The following AGMO variants were observed in gnomAD, a reference collection of about 807,000 sequenced individuals.
AGMO encodes the protein alkylglycerol monooxygenase.
In AGMO, 75 loss-of-function variants were observed where a neutral mutation model predicts 60.2. That is an observed-to-expected ratio of 1.25 (90% CI 1.03 to 1.51). The LOEUF (loss-of-function observed/expected upper bound fraction) is 1.51. AGMO is among the 40% of genes most tolerant of loss of function. The probability of loss-of-function intolerance (pLI) is 0.00; values close to 1 mark genes in which losing one functional copy is unlikely to be tolerated. For missense variants in AGMO, 763 were observed against 525.5 expected, an observed-to-expected ratio of 1.45 and a Z score of -4.42; for synonymous variants, 261 against 177.1, an observed-to-expected ratio of 1.47 and a Z score of -3.76.
intron 12 of AGMO, among the ~76,000 whole-genome samples, chr7:15,234,952 C>T (rs1782373264): frequency 6.6e-6 from 1 of 151,970 alleles, no homozygotes; most frequent in Non-Finnish European, 1.5e-5. Context: ...CTACTTTTTC[C>T]GTTTTAGCTT....
At position 15,201,226 on chromosome 7, in the gene AGMO, C is replaced by T. The variant is rs1476575672; in HGVS notation, c.*59G>A. ...CATAAAATAATTACATTTTAATATGCAGTCATAATATGCGTGTGGACAACT... is the reference window on the plus strand; with the variant it reads ...CATAAAATAATTACATTTTAATATGTAGTCATAATATGCGTGTGGACAACT... On this transcript the variant is annotated 3_prime_UTR_variant, in exon 13 of 13. Coordinates refer to ENST00000342526, the MANE Select transcript of AGMO (RefSeq NM_001004320.2). The T allele has an allele frequency of 6.8e-6, 7 of 1,030,534 alleles. No homozygotes were observed. Among genetic ancestry groups the T allele is most frequent in the African/African-American group, 1.6e-5 (1 of 61,324 alleles). 63.8% of individuals were successfully genotyped at this position (1,030,534 alleles called of 1,614,324 possible).
intron 3 of AGMO, among the ~76,000 whole-genome samples, chr7:15,483,563 C>T (rs1457988207): frequency 1.3e-5 from 2 of 150,402 alleles, no homozygotes; most frequent in African/African-American, 5.0e-5. Context: ...GAGCAAGACT[C>T]TGTCTCAAAA....
At chr7:15,191,030 G>A in the AGMO span, among the ~76,000 whole-genome samples, 1 of 152,042 alleles carries the variant, frequency 6.6e-6, no homozygotes, top group Admixed American at 6.6e-5. Context: ...TCATCTTCAA[G>A]AAACTCAATT....
intron 3 of AGMO, among the ~76,000 whole-genome samples, chr7:15,490,095 A>G (rs1028978682): frequency 1.3e-5 from 2 of 152,218 alleles, no homozygotes; most frequent in Non-Finnish European, 2.9e-5. Context: ...TTACTTTTAG[A>G]AGTCTTAAAC....
chr7:15,249,356 T>G (rs531455105), intron 12 of AGMO, among the ~76,000 whole-genome samples: 140 of 152,174 alleles, frequency 9.2e-4, no homozygotes, highest in African/African-American at 3.2e-3. Context: ...GAAGAGTAAC[T>G]ATGGAAACAT....
At chr7:15,194,767 T>C in the AGMO span, among the ~76,000 whole-genome samples, 1 of 152,196 alleles carries the variant, frequency 6.6e-6, no homozygotes, top group African/African-American at 2.4e-5. Flanking sequence ...TCTTGCAGCC[T>C]ATTACGTAGG....
intron 3 of AGMO, among the ~76,000 whole-genome samples, chr7:15,437,506 T>C (rs1434423382): frequency 6.6e-6 from 1 of 151,540 alleles, no homozygotes; most frequent in Non-Finnish European, 1.5e-5. Context: ...AAACCAGGCT[T>C]CTGAAGGAGC....
chr7:15,550,012 T>C (rs1307676315), intron 2 of AGMO, among the ~76,000 whole-genome samples: 1 of 151,948 alleles, frequency 6.6e-6, no homozygotes, highest in Non-Finnish European at 1.5e-5. Flanking sequence ...ATTAAGAATC[T>C]CACTCAAAAC....
chr7:15,305,725 T>G, intron 12 of AGMO, among the ~76,000 whole-genome samples: 1 of 151,998 alleles, frequency 6.6e-6, no homozygotes, highest in Non-Finnish European at 1.5e-5. Context: ...TATAGTTATA[T>G]AAGCAACTCG....
At chr7:15,389,924 G>GCGT (rs1386769854) in intron 8 of AGMO, among the ~76,000 whole-genome samples, 1 of 152,106 alleles carries the variant, frequency 6.6e-6, no homozygotes, top group Non-Finnish European at 1.5e-5. Flanking sequence ...GTCTGGAAAA[G>GCGT]CTGACCCAAC....
At chr7:15,133,465 A>G in the AGMO span, among the ~76,000 whole-genome samples, 1 of 151,306 alleles carries the variant, frequency 6.6e-6, no homozygotes, top group Non-Finnish European at 1.5e-5. Flanking sequence ...GGAAGACAAC[A>G]GGGAAGAGAT....
At chr7:15,407,440 G>A (rs1784737102) in intron 5 of AGMO, among the ~76,000 whole-genome samples, 2 of 151,392 alleles carry the variant, frequency 1.3e-5, no homozygotes, top group Non-Finnish European at 3.0e-5. Flanking sequence ...GAAGCCAAAG[G>A]TGTCATCAAT....
intron 12 of AGMO, among the ~76,000 whole-genome samples, chr7:15,353,012 G>C (rs974551026): frequency 6.6e-5 from 10 of 152,060 alleles, no homozygotes; most frequent in Middle Eastern, 6.8e-3. Flanking sequence ...ATAGCACTGC[G>C]CACGGCACAC....
At position 15,437,531 on chromosome 7, in the gene AGMO, CTTTTT is replaced by C. The variant is rs201021445; in HGVS notation, c.410-6428_410-6424del. 9.5e-3 allele frequency among the ~76,000 whole-genome samples: 1,150 copies of C among 120,560 alleles called. 17 individuals carry two copies. Among genetic ancestry groups the C allele is most frequent in the African/African-American group, 0.031 (981 of 31,490 alleles). 79.1% of individuals were successfully genotyped at this position (120,560 alleles called of 152,430 possible). On this transcript the variant is annotated intron_variant, in intron 3 of 12. Coordinates refer to ENST00000342526, the MANE Select transcript of AGMO (RefSeq NM_001004320.2). ...TCTGAAGGAGCAACCAAATTTTTTC[CTTTTT>C]TTTTTTTTTTTTTTTTGAGACGGAG...
intron 10 of AGMO, among the ~76,000 whole-genome samples, chr7:15,373,690 CA>C (rs987028418): frequency 6.6e-6 from 1 of 151,800 alleles, no homozygotes; most frequent in African/African-American, 2.4e-5. Context: ...AGTATGTTTC[CA>C]TATGAAAAAA....
At chr7:15,341,396 AC>A (rs1389564432) in intron 12 of AGMO, among the ~76,000 whole-genome samples, 3 of 152,182 alleles carry the variant, frequency 2.0e-5, no homozygotes, top group African/African-American at 7.2e-5. Context: ...CTAAAGCATT[AC>A]AAGAGTCACC....
intron 10 of AGMO, among the ~76,000 whole-genome samples, chr7:15,377,739 T>C (rs1029834229): frequency 6.6e-6 from 1 of 152,092 alleles, no homozygotes; most frequent in Non-Finnish European, 1.5e-5. Context: ...ATTTAAGCTC[T>C]ATTAATGATG....
At chr7:15,339,704 G>C (rs1005076845) in intron 12 of AGMO, among the ~76,000 whole-genome samples, 1 of 152,066 alleles carries the variant, frequency 6.6e-6, no homozygotes, top group Non-Finnish European at 1.5e-5. Context: ...TAAAAATCTA[G>C]GGACACCAAT....
At chr7:15,174,591 T>C in the AGMO span, among the ~76,000 whole-genome samples, 3 of 152,022 alleles carry the variant, frequency 2.0e-5, no homozygotes, top group Non-Finnish European at 4.4e-5. Flanking sequence ...TTCCTCAGAA[T>C]TGTGTGCTCT....
Sources: allele counts gnomAD v4.1 joint callset (sites outside exome capture counted in the v4.1 genomes callset), GRCh38; gene constraint gnomAD v4.1.1; transcripts MANE v1.5; gene names NCBI Gene and HGNC (gene_info 2026-07-23, HGNC 2026-07-21).